Variants in BCAS3 observed in about 807,000 individuals in gnomAD.
The protein encoded by BCAS3 is BCAS4/BCAS3 fusion.
In BCAS3, 53 loss-of-function variants were observed where a neutral mutation model predicts 116.1. The ratio of observed to expected loss-of-function variants is 0.46; its 90% CI spans 0.37 to 0.57. BCAS3 has a LOEUF of 0.57. BCAS3 is among the 20% of genes least tolerant of loss of function. The probability of loss-of-function intolerance (pLI) is 0.00; values close to 1 mark genes in which losing one functional copy is unlikely to be tolerated. For missense variants in BCAS3, 917 were observed against 1,165.4 expected (o/e 0.79, Z 3.10); for synonymous variants, 391 against 408.2 (o/e 0.96, Z 0.51).
chr17:61,146,327 A>C (rs2143968696), intron 22 of BCAS3, among the ~76,000 whole-genome samples: 1 of 149,010 alleles, frequency 6.7e-6, no homozygotes, highest in East Asian at 2.0e-4. Flanking sequence ...CATGTTGCCC[A>C]GGCTGGTCTC....
chr17:60,708,655 C>T (rs540603925), intron 4 of BCAS3, among the ~76,000 whole-genome samples: 1 of 152,150 alleles, frequency 6.6e-6, no homozygotes. Context: ...CTCAGCCTCC[C>T]CATTAGCTGG....
At chr17:61,146,184 GCAACCTC>G (rs1027476075) in intron 22 of BCAS3, among the ~76,000 whole-genome samples, 1 of 149,118 alleles carries the variant, frequency 6.7e-6, no homozygotes, top group Non-Finnish European at 1.5e-5. Context: ...ACGGCTCACT[GCAACCTC>G]CACCTCCTGG....
chr17:61,295,607 A>T (rs1221243049), intron 22 of BCAS3, among the ~76,000 whole-genome samples: 1 of 151,990 alleles, frequency 6.6e-6, no homozygotes, highest in Non-Finnish European at 1.5e-5. Context: ...TTCTGATACC[A>T]CTCAGGTCAA....
In BCAS3 at chr17:61,300,348, G is replaced by T. The variant is rs558404592; in HGVS notation, c.2426-67979G>T. Among the ~76,000 whole-genome samples the T allele has an allele frequency of 6.6e-6, 1 of 151,960 alleles. No individual in the cohort carries two copies. Among genetic ancestry groups the T allele is most frequent in the Admixed American group, 6.6e-5 (1 of 15,256 alleles). On this transcript the variant is annotated intron_variant, in intron 22 of 23. Transcript: ENST00000407086. The surrounding 1 kb of genome is among the most constrained non-coding windows in gnomAD (Gnocchi z 5.1). ...CCGCCCTCCTCCCCTTTAACTCCTC[G>T]CCTGCCCCTTCAACTTCAGTTTTCT...
In BCAS3 at chr17:61,095,259, G is replaced by A. The variant is rs903748288; in HGVS notation, c.2425+10695G>A. On this transcript the variant is annotated intron_variant, in intron 22 of 23. Coordinates refer to ENST00000407086, the MANE Select transcript of BCAS3 (RefSeq NM_017679.5). The surrounding 1 kb of genome is among the most constrained non-coding windows in gnomAD (Gnocchi z 4.7). ...CAATAGCAGATATGAGAATCTAGCT[G>A]TTGTCTATTAGAGGATTTTCTCTTA... Among the ~76,000 whole-genome samples, 2 of 152,154 alleles carry A rather than the reference G, an allele frequency of 1.3e-5. No individual in the cohort carries two copies. The highest frequency in any genetic ancestry group is 2.9e-5 in the Non-Finnish European group (2 of 68,026).
At chr17:60,955,409 A>C in intron 14 of BCAS3, among the ~76,000 whole-genome samples, 1 of 118,664 alleles carries the variant, frequency 8.4e-6, no homozygotes, top group South Asian at 2.2e-4. Flanking sequence ...TTTTTTTGAG[A>C]CAGAGTCTTG....
In BCAS3 at chr17:60,961,566, A is replaced by T. The variant is rs1448712992; in HGVS notation, c.1221+14214A>T. On this transcript the variant is annotated intron_variant, in intron 14 of 23. Transcript: ENST00000407086. This position sits in a 1 kb window ranked among gnomAD's most constrained non-coding sequence, Gnocchi z 4.8. The stretch of plus-strand genomic sequence containing the variant: ...GTTACAGAAAAGTTGCAAAGATAGT[A>T]TAGAAAGTTTCTATACCATATCAAA... Among the ~76,000 whole-genome samples, 1 of 152,204 alleles carries T rather than the reference A, an allele frequency of 6.6e-6. No homozygotes were observed. The highest frequency in any genetic ancestry group is 2.4e-5 in the African/African-American group (1 of 41,464).
At chr17:60,942,727 C>G (rs2060289573) in intron 13 of BCAS3, among the ~76,000 whole-genome samples, 1 of 152,090 alleles carries the variant, frequency 6.6e-6, no homozygotes, top group Non-Finnish European at 1.5e-5. Flanking sequence ...CTCAAATTTA[C>G]TTCATCTTTT....
chr17:60,976,743 C>T (rs2062406976), intron 14 of BCAS3, among the ~76,000 whole-genome samples: 1 of 152,086 alleles, frequency 6.6e-6, no homozygotes, highest in Non-Finnish European at 1.5e-5. Flanking sequence ...TTTCAGAGAG[C>T]ACGGGGTTGG....
intron 7 of BCAS3, among the ~76,000 whole-genome samples, chr17:60,817,149 A>T (rs1185854363): frequency 1.3e-5 from 2 of 152,236 alleles, no homozygotes; most frequent in African/African-American, 2.4e-5. Context: ...CAGTCATTAA[A>T]ATGCCATTTA....
At chr17:61,236,225 G>C (rs1350258639) in intron 22 of BCAS3, among the ~76,000 whole-genome samples, 1 of 152,188 alleles carries the variant, frequency 6.6e-6, no homozygotes, top group Admixed American at 6.5e-5. Context: ...TGGCATTTTC[G>C]TGGTGTTCTG....
intron 15 of BCAS3, among the ~76,000 whole-genome samples, chr17:61,001,411 A>G (rs1171127819): frequency 1.3e-5 from 2 of 152,192 alleles, no homozygotes; most frequent in African/African-American, 4.8e-5. Flanking sequence ...CCACATCACA[A>G]TTGTAAATAC....
At chr17:60,686,781 C>T (rs560694151) in intron 3 of BCAS3, among the ~76,000 whole-genome samples, 107 of 152,266 alleles carry the variant, frequency 7.0e-4, no homozygotes, top group African/African-American at 2.5e-3. Context: ...CTGCCTTGGC[C>T]TCGCAAAGTT....
At chr17:60,788,195 T>TG (rs1185863391) in intron 6 of BCAS3, among the ~76,000 whole-genome samples, 1 of 152,320 alleles carries the variant, frequency 6.6e-6, no homozygotes, top group African/African-American at 2.4e-5. Context: ...AGTTGATCAT[T>TG]AATTTTTTTT....
chr17:61,078,645 T>C, intron 21 of BCAS3, 116 bp downstream of exon 21: 3 of 826,902 alleles, frequency 3.6e-6, no homozygotes, highest in East Asian at 5.3e-5. Context: ...TGTTGCAGAC[T>C]ACATGTACTG....
intron 4 of BCAS3, among the ~76,000 whole-genome samples, chr17:60,704,724 G>C (rs968610740): frequency 5.3e-5 from 8 of 151,890 alleles, no homozygotes; most frequent in African/African-American, 1.7e-4. Context: ...TATAATCCCA[G>C]CTACTCAGGA....
chr17:60,849,550 A>G (rs1220531198), intron 7 of BCAS3, among the ~76,000 whole-genome samples: 1 of 152,084 alleles, frequency 6.6e-6, no homozygotes, highest in East Asian at 1.9e-4. Context: ...TTCTCCCACA[A>G]TTAAAAAAAG....
chr17:61,277,282 AAG>A (rs1555804671), intron 22 of BCAS3, among the ~76,000 whole-genome samples: 1 of 148,052 alleles, frequency 6.8e-6, no homozygotes, highest in Non-Finnish European at 1.5e-5. Flanking sequence ...AAAAAAAAAA[AAG>A]GTGGTGATGA....
chr17:60,716,189 A>G (rs1156984541), intron 5 of BCAS3, among the ~76,000 whole-genome samples: 1 of 152,226 alleles, frequency 6.6e-6, no homozygotes, highest in Non-Finnish European at 1.5e-5. Context: ...AACGGTGTTC[A>G]TTTATTCAGC....
Sources: allele counts gnomAD v4.1 joint callset (sites outside exome capture counted in the v4.1 genomes callset), GRCh38; gene constraint gnomAD v4.1.1; non-coding constraint Gnocchi (gnomAD v3.1); transcripts MANE v1.5; gene names NCBI Gene and HGNC (gene_info 2026-07-23, HGNC 2026-07-21).